DSCAM: variants seen among roughly 807,000 people sequenced by gnomAD.
The protein encoded by DSCAM is DS cell adhesion molecule.
A neutral mutation model predicts 217.7 loss-of-function variants in DSCAM; 47 were observed. That is an observed-to-expected ratio of 0.22 (90% CI 0.17 to 0.28). The LOEUF (loss-of-function observed/expected upper bound fraction) is 0.28. Ranked by LOEUF, DSCAM falls within the 10% of genes least tolerant of loss-of-function variation. The pLI, the probability that DSCAM is intolerant of heterozygous loss-of-function variation, is 1.00. For missense variants in DSCAM, 2,080 were observed against 2,618.3 expected (o/e 0.79, Z 4.49); for synonymous variants, 1,056 against 1,015.3 (o/e 1.04, Z -0.76).
At chr21:40,330,864 G>A (rs1478573666) in intron 8 of DSCAM, among the ~76,000 whole-genome samples, 1 of 152,070 alleles carries the variant, frequency 6.6e-6, no homozygotes, top group Non-Finnish European at 1.5e-5. Context: ...TAACATAAAA[G>A]GATTATACAT....
chr21:40,190,309 G>A (rs1344771484), intron 11 of DSCAM, among the ~76,000 whole-genome samples: 1 of 151,986 alleles, frequency 6.6e-6, no homozygotes, highest in Admixed American at 6.6e-5. Context: ...CTTTTAAAAT[G>A]CATACTAAGC....
At chr21:40,165,932 A>C (rs2090590181) in intron 16 of DSCAM, among the ~76,000 whole-genome samples, 1 of 152,018 alleles carries the variant, frequency 6.6e-6, no homozygotes, top group Non-Finnish European at 1.5e-5. Context: ...GCTTACAAAG[A>C]CCAATGACAC....
At chr21:40,467,048 A>G (rs972883415) in intron 3 of DSCAM, among the ~76,000 whole-genome samples, 4 of 152,354 alleles carry the variant, frequency 2.6e-5, no homozygotes, top group African/African-American at 9.6e-5. Flanking sequence ...CTAGAACATA[A>G]GCCAAAGATG....
intron 20 of DSCAM, among the ~76,000 whole-genome samples, chr21:40,103,857 C>CTA (rs1177547535): frequency 6.6e-6 from 1 of 150,454 alleles, no homozygotes; most frequent in South Asian, 2.1e-4. Context: ...TATATGTAGA[C>CTA]TATATATATA....
intron 1 of DSCAM, among the ~76,000 whole-genome samples, chr21:40,781,480 GAC>G (rs1173905873): frequency 6.6e-6 from 1 of 152,164 alleles, no homozygotes; most frequent in Non-Finnish European, 1.5e-5. Flanking sequence ...AGTCCACTTA[GAC>G]ACAGATTTGT....
intron 3 of DSCAM, among the ~76,000 whole-genome samples, chr21:40,371,463 C>G (rs2074898120): frequency 6.6e-6 from 1 of 151,344 alleles, no homozygotes; most frequent in South Asian, 2.1e-4. Flanking sequence ...CTGTCACCTT[C>G]TTAGCGTGGA....
chr21:40,067,852 C>A (rs1294237778), intron 27 of DSCAM, among the ~76,000 whole-genome samples: 3 of 151,008 alleles, frequency 2.0e-5, no homozygotes, highest in Non-Finnish European at 4.4e-5. Flanking sequence ...ACACATCAAG[C>A]AAAGCAGATG....
At chr21:40,030,779 A>G (rs4818109) in intron 32 of DSCAM, among the ~76,000 whole-genome samples, 104,186 of 152,054 alleles carry the variant, frequency 0.69, 35,821 homozygotes, top group Admixed American at 0.73. Flanking sequence ...AAGGGCTCTT[A>G]TAGAATTTCA....
At chr21:40,210,321 A>G (rs1245992023) in intron 11 of DSCAM, among the ~76,000 whole-genome samples, 2 of 152,162 alleles carry the variant, frequency 1.3e-5, no homozygotes, top group African/African-American at 4.8e-5. Context: ...GTATATATTC[A>G]CATTTATTGC....
intron 1 of DSCAM, among the ~76,000 whole-genome samples, chr21:40,774,324 C>A (rs1461876417): frequency 2.0e-5 from 3 of 152,200 alleles, no homozygotes; most frequent in Non-Finnish European, 4.4e-5. Flanking sequence ...TGCTGGGAAT[C>A]AAACTGAGTG....
At chr21:40,843,584 T>C (rs1255971513) in intron 1 of DSCAM, among the ~76,000 whole-genome samples, 2 of 152,128 alleles carry the variant, frequency 1.3e-5, no homozygotes, top group East Asian at 3.9e-4. Context: ...AGTAGGAAGC[T>C]TTGCTGAGAA....
intron 4 of DSCAM, among the ~76,000 whole-genome samples, chr21:40,361,836 C>T (rs2074769846): frequency 6.6e-6 from 1 of 152,172 alleles, no homozygotes; most frequent in Non-Finnish European, 1.5e-5. Context: ...TTAATTAAAT[C>T]AAGATCCTTC....
intron 20 of DSCAM, among the ~76,000 whole-genome samples, chr21:40,110,107 A>G (rs997952307): frequency 9.2e-5 from 14 of 152,172 alleles, no homozygotes; most frequent in African/African-American, 3.1e-4. Context: ...CTGAGAACAG[A>G]CAGACTGCCT....
chr21:40,466,486 T>TGTGATGG, intron 3 of DSCAM, among the ~76,000 whole-genome samples: 1 of 152,306 alleles, frequency 6.6e-6, no homozygotes, highest in East Asian at 1.9e-4. Flanking sequence ...TCTCCCTGCT[T>TGTGATGG]GAGTACTCAC....
At chr21:40,178,591 A>G (rs1224152531) in intron 15 of DSCAM, among the ~76,000 whole-genome samples, 1 of 152,114 alleles carries the variant, frequency 6.6e-6, no homozygotes, top group Non-Finnish European at 1.5e-5. Flanking sequence ...AAACACACTC[A>G]CGGTTCTCCT....
At chr21:40,327,437 CT>C in intron 8 of DSCAM, among the ~76,000 whole-genome samples, 1 of 151,984 alleles carries the variant, frequency 6.6e-6, no homozygotes. Context: ...ACTTCTAATC[CT>C]TTTTGGTAGT....
intron 3 of DSCAM, among the ~76,000 whole-genome samples, chr21:40,432,838 G>A (rs1217935350): frequency 6.6e-6 from 1 of 152,152 alleles, no homozygotes; most frequent in Non-Finnish European, 1.5e-5. Flanking sequence ...AGAGGGTGAA[G>A]TCATGTGCCC....
Position 40,171,836 on chromosome 21 carries a change from C to T in DSCAM, c.2948-4548G>A, listed in dbSNP as rs185888707. 6.4e-3 allele frequency among the ~76,000 whole-genome samples: 971 copies of T among 152,096 alleles called. 9 individuals are homozygous for T. Among genetic ancestry groups the T allele is most frequent in the Middle Eastern group, 0.031 (9 of 294 alleles). On this transcript the variant is annotated intron_variant, in intron 15 of 32. Coordinates refer to ENST00000400454, the MANE Select transcript of DSCAM (RefSeq NM_001389.5). ...TTTTTCATAGGTTATCATCTCATTGCCAATGATGCCTATAAAATTACAGTC... is the reference window on the plus strand; with the variant it reads ...TTTTTCATAGGTTATCATCTCATTGTCAATGATGCCTATAAAATTACAGTC...
intron 1 of DSCAM, among the ~76,000 whole-genome samples, chr21:40,802,407 G>T (rs924455491): frequency 3.3e-5 from 5 of 152,274 alleles, no homozygotes; most frequent in African/African-American, 1.2e-4. Flanking sequence ...TTGGTGTGGG[G>T]ATAAGTTAAG....
Sources: allele counts gnomAD v4.1 joint callset (sites outside exome capture counted in the v4.1 genomes callset), GRCh38; gene constraint gnomAD v4.1.1; transcripts MANE v1.5; gene names NCBI Gene and HGNC (gene_info 2026-07-23, HGNC 2026-07-21).